Variants in MAPK12 observed in about 807,000 individuals in gnomAD.
MAPK12 encodes MAP kinase 12.
MAPK12 carries 49 observed loss-of-function variants against 49.1 expected under a neutral mutation model. The ratio of observed to expected loss-of-function variants is 1.00; its 90% CI spans 0.79 to 1.27. The LOEUF (loss-of-function observed/expected upper bound fraction) is 1.27, where lower values mean the gene tolerates loss of function less well. Ranked by LOEUF, MAPK12 falls within the 50% of genes most tolerant of loss-of-function variation. MAPK12 has a pLI of 0.00. For missense variants in MAPK12, 554 were observed against 502.4 expected (o/e 1.10, Z -0.98); for synonymous variants, 251 against 209.7 (o/e 1.20, Z -1.70).
intron 3 of MAPK12, 161 bp downstream of exon 3, chr22:50,258,082 A>AGGGCGTGGGGTG: frequency 2.0e-6 from 1 of 492,022 alleles, no homozygotes; most frequent in South Asian, 1.6e-5. Context: ...CATGTGGGGG[A>AGGGCGTGGGGTG]GGGCGTGGGG....
Position 50,256,598 on chromosome 22 carries a change from C to G in MAPK12, c.504+1G>C. ...AGGGCCCCCTGCCAGGCAGCACACACCTTCAGCTCACAGTCTTCGTTCACA... is the reference window on the plus strand; with the variant it reads ...AGGGCCCCCTGCCAGGCAGCACACAGCTTCAGCTCACAGTCTTCGTTCACA... On this transcript the variant is annotated splice_donor_variant, in intron 6 of 11. Transcript: ENST00000215659. LOFTEE classifies it high-confidence loss of function. 6.2e-7 allele frequency: 1 copy of G among 1,611,626 alleles called. No homozygotes were observed. Among genetic ancestry groups the G allele is most frequent in the Non-Finnish European group, 8.5e-7 (1 of 1,179,136 alleles).
chr22:50,261,033 G>A, intron 2 of MAPK12, 134 bp downstream of exon 2: 1 of 1,053,726 alleles, frequency 9.5e-7, no homozygotes, highest in Non-Finnish European at 1.3e-6. Flanking sequence ...TTCTCCCCTG[G>A]GGACCCACGG....
rs1283319881 is a variant in MAPK12 at position 50,256,363 on chromosome 22, C to T, written c.505-164G>A. ...CACGCCCTCGGACCCCAAACTGCCC[C>T]GAGCTCCTCCCTCTGGCCAGTGCAC... On this transcript the variant is annotated intron_variant, in intron 6 of 11. Transcript: ENST00000215659. Among the ~76,000 whole-genome samples the T allele has an allele frequency of 2.6e-5, 4 of 152,228 alleles. No individual in the cohort carries two copies. In the East Asian group the frequency reaches 5.8e-4, roughly 22 times the overall value.
At chr22:50,253,506 A>C in intron 11 of MAPK12, 26 bp from the exon 12 acceptor site, 1 of 931,950 alleles carries the variant, frequency 1.1e-6, no homozygotes. Context: ...GGGCGGGCAC[A>C]ACAGAGAGGG....
chr22:50,255,919 G>A (rs559973598), intron 7 of MAPK12, 38 bp from the exon 8 acceptor site: 13 of 1,589,276 alleles, frequency 8.2e-6, no homozygotes, highest in South Asian at 7.8e-5. Flanking sequence ...TGGGCAGGGG[G>A]ACAGGATGAG....
At chr22:50,255,579 C>CG in intron 9 of MAPK12, 36 bp downstream of exon 9, 13 of 1,407,994 alleles carry the variant, frequency 9.2e-6, no homozygotes, top group East Asian at 2.5e-5. Flanking sequence ...CCCAGGTCCG[C>CG]CCCCACCCCC....
At position 50,255,632 on chromosome 22, in the gene MAPK12, G is replaced by T; in HGVS notation, c.754C>A (p.Arg252=). ...TGTPPAEFVQ[R]LQSDEAKNYM... is the part of the protein sequence containing the mutation. ...CCCCTTACCTCATCGCTCTGCAGCC[G>T]CTGCACAAACTCAGCCGGAGGCGTC... The change falls in exon 9 of 12, where the codon CGG becomes AGG. Residue 252 remains arginine (R), a synonymous_variant. Coordinates refer to ENST00000215659, the MANE Select transcript of MAPK12 (RefSeq NM_002969.6). The T allele has an allele frequency of 7.6e-7, 1 of 1,318,230 alleles. No homozygotes were observed. Among genetic ancestry groups the T allele is most frequent in the South Asian group, 1.1e-5 (1 of 87,230 alleles). 81.7% of individuals were successfully genotyped at this position (1,318,230 alleles called of 1,614,324 possible). A position where few individuals can be genotyped will look rare whatever the true frequency, so the allele number is the denominator to read the frequency against.
At chr22:50,255,922 A>T in intron 7 of MAPK12, 41 bp from the exon 8 acceptor site, 5 of 1,591,290 alleles carry the variant, frequency 3.1e-6, no homozygotes, top group Non-Finnish European at 4.3e-6. Context: ...GCAGGGGGAC[A>T]GGATGAGACG....
At chr22:50,254,871 A>G (rs1451734837) in intron 11 of MAPK12, 11 of 1,222,954 alleles carry the variant, frequency 9.0e-6, no homozygotes, top group Admixed American at 3.6e-5. Flanking sequence ...CTTCTGTGCC[A>G]GCCTCTGTGC....
chr22:50,258,224 A>G lies in MAPK12; in HGVS notation c.314+19T>C. ...CCAACACCCCTCGTGCCCAGCGGCC[A>G]GCCCAGGTCGGCACTCACAAGTCCG... On this transcript the variant is annotated intron_variant, in intron 3 of 11. Coordinates refer to ENST00000215659, the MANE Select transcript of MAPK12 (RefSeq NM_002969.6). The G allele has an allele frequency of 6.2e-7, 1 of 1,612,868 alleles. No homozygotes were observed. Among genetic ancestry groups the G allele is most frequent in the Non-Finnish European group, 8.5e-7 (1 of 1,179,794 alleles).
chr22:50,258,271 C>T lies in MAPK12; in HGVS notation c.286G>A (p.Asp96Asn), dbSNP rs1164255210. The T allele has an allele frequency of 1.2e-6, 2 of 1,613,188 alleles. No homozygotes were observed. The highest frequency in any genetic ancestry group is 2.2e-5 in the South Asian group (2 of 91,086). Reference protein sequence around the residue: ...VIGLLDVFTPDETLDDFTDFY... With the variant: ...VIGLLDVFTPNETLDDFTDFY... ...TCCGTGAAGTCATCCAGGGTCTCAT[C>T]AGGAGTGAATACGTCCAGCAGCCCG... The change falls in exon 3 of 12, where the codon GAT becomes AAT. Residue 96 changes from aspartate (D) to asparagine (N), a missense_variant. By Grantham distance (23) the Asp-to-Asn change is conservative. Coordinates refer to ENST00000215659, the MANE Select transcript of MAPK12 (RefSeq NM_002969.6).
chr22:50,255,688 T>C lies in MAPK12; in HGVS notation c.698A>G (p.Asp233Gly). Reference sequence around the variant, plus strand: ...CACCTTCATGATCTCCTTCAGCTGGTCCAGGTCTGCACCGAGGTCAGGAAC... The same window carrying C: ...CACCTTCATGATCTCCTTCAGCTGGCCCAGGTCTGCACCGAGGTCAGGAAC... ...KTLFKGSDHL[D>G]QLKEIMKVTG... The change falls in exon 9 of 12, where the codon GAC becomes GGC. Residue 233 changes from aspartate to glycine, a missense_variant. Physicochemically the swap from Asp to Gly is moderately conservative, Grantham distance 94. Transcript: ENST00000215659. 1 of 1,609,638 alleles carries C rather than the reference T, an allele frequency of 6.2e-7. No homozygotes were observed. Among genetic ancestry groups the C allele is most frequent in the Non-Finnish European group, 8.5e-7 (1 of 1,179,814 alleles).
Position 50,253,306 on chromosome 22 carries a change from T to C in MAPK12, c.*95A>G. 1 of 911,810 alleles carries C rather than the reference T, an allele frequency of 1.1e-6. No individual in the cohort carries two copies. The allele number at this position is 911,810 out of a possible 1,614,324, so 56.5% of individuals were successfully genotyped here. ...GTCTGCTCTGATGGATGCCTTGGGA[T>C]GCAAGCCCCAGCCAAGGTCAAGGTG... On this transcript the variant is annotated 3_prime_UTR_variant, in exon 12 of 12. Coordinates refer to ENST00000215659, the MANE Select transcript of MAPK12 (RefSeq NM_002969.6).
intron 3 of MAPK12, 84 bp from the exon 4 acceptor site, chr22:50,257,277 C>T: frequency 9.2e-7 from 1 of 1,090,400 alleles, no homozygotes; most frequent in South Asian, 1.3e-5. Context: ...AGGCTCAGAC[C>T]CGTCCCGGAT....
At chr22:50,256,477 C>A in intron 6 of MAPK12, 122 bp downstream of exon 6, 1 of 1,311,592 alleles carries the variant, frequency 7.6e-7, no homozygotes, top group Non-Finnish European at 1.1e-6. Context: ...CCCACCAGCT[C>A]CTCAGCCACT....
At chr22:50,258,815 G>A (rs1329098953) in intron 2 of MAPK12, among the ~76,000 whole-genome samples, 2 of 152,264 alleles carry the variant, frequency 1.3e-5, no homozygotes, top group African/African-American at 2.4e-5. Flanking sequence ...TCAGCATTTT[G>A]GGGTGACGGT....
chr22:50,261,439 C>G lies in MAPK12; in HGVS notation c.71G>C (p.Arg24Pro), dbSNP rs776449594. 1.6e-6 allele frequency: 2 copies of G among 1,276,092 alleles called. No homozygotes were observed. The highest frequency in any genetic ancestry group is 1.6e-5 in the South Asian group (1 of 61,954). The allele number at this position is 1,276,092 out of a possible 1,614,324, so 79.0% of individuals were successfully genotyped here. Residue 24 changes from arginine (R) to proline (P), a missense_variant, in exon 1 of 12, where the codon CGC becomes CCC. Coordinates refer to ENST00000215659, the MANE Select transcript of MAPK12 (RefSeq NM_002969.6). ...GGGCTGCAGGTCCCGGTACACGGCG[C>G]GCACCTCCCAGGCCGTCTTGGTCAC... ...QEVTKTAWEVRAVYRDLQPVG... is the reference protein window; with the variant it reads ...QEVTKTAWEVPAVYRDLQPVG...
rs780657283 is a variant in MAPK12 at position 50,255,687 on chromosome 22, G to A, written c.699C>T (p.Asp233=). 3 of 1,610,020 alleles carry A rather than the reference G, an allele frequency of 1.9e-6. No homozygotes were observed. Among genetic ancestry groups the A allele is most frequent in the South Asian group, 2.2e-5 (2 of 91,078 alleles). Residue 233 remains aspartate (D), a synonymous_variant, in exon 9 of 12, where the codon GAC becomes GAT. Coordinates refer to ENST00000215659, the MANE Select transcript of MAPK12 (RefSeq NM_002969.6). ...TCACCTTCATGATCTCCTTCAGCTG[G>A]TCCAGGTCTGCACCGAGGTCAGGAA... ...KTLFKGSDHL[D]QLKEIMKVTG...
rs2065159407 is a variant in MAPK12, at chr22:50,257,168, T to C, written c.340A>G (p.Thr114Ala). Residue 114 changes from threonine to alanine, a missense_variant, in exon 4 of 12, where the codon ACC becomes GCC. By Grantham distance (58) the Thr-to-Ala change is moderately conservative. Transcript: ENST00000215659. ...DFYLVMPFMG[T>A]DLGKLMKHEK... ...TGTTTCATGAGCTTGCCCAGGTCGG[T>C]GCCCATGAACGGCATCACCAGGTAA... is the stretch of plus-strand genomic sequence containing the variant. 1 of 1,612,670 alleles carries C rather than the reference T, an allele frequency of 6.2e-7. No individual in the cohort carries two copies. Among genetic ancestry groups the C allele is most frequent in the Non-Finnish European group, 8.5e-7 (1 of 1,179,878 alleles).
Sources: gnomAD v4.1 joint callset for allele counts (sites outside exome capture counted in the v4.1 genomes callset) on GRCh38, gnomAD v4.1.1 for gene constraint, MANE v1.5 for transcripts, NCBI Gene and HGNC (gene_info 2026-07-23, HGNC 2026-07-21) for gene names.